Variants in USP15 observed in about 807,000 individuals in gnomAD.
The protein encoded by USP15 is ubiquitin specific peptidase 15.
USP15 carries 18 observed loss-of-function variants against 127.1 expected under a neutral mutation model. That is an observed-to-expected ratio of 0.14 (90% CI 0.10 to 0.21). USP15 has a LOEUF of 0.21. Among genes scored for constraint, USP15 ranks in the 10% least tolerant of loss-of-function variants. USP15 has a pLI of 1.00. For synonymous variants in USP15, 364 were observed against 393.7 expected, an observed-to-expected ratio of 0.92 and a Z score of 0.89; for missense variants, 805 against 1,159.9, an observed-to-expected ratio of 0.69 and a Z score of 4.44.
intron 8 of USP15, among the ~76,000 whole-genome samples, chr12:62,375,412 C>T (rs1294749207): frequency 6.6e-6 from 1 of 152,118 alleles, no homozygotes; most frequent in Non-Finnish European, 1.5e-5. Context: ...CTAAGGACTA[C>T]TTCTAATCTT....
In USP15 at chr12:62,410,285, A is replaced by G. The variant is rs2068006990; in HGVS notation, c.*5910A>G. The G allele has an allele frequency of 2.0e-5, 3 of 152,146 alleles. No homozygotes were observed. Among genetic ancestry groups the G allele is most frequent in the African/African-American group, 4.8e-5 (2 of 41,450 alleles). The allele number at this position is 152,146 out of a possible 1,614,324, so 9.4% of individuals were successfully genotyped here. The stretch of plus-strand genomic sequence containing the variant: ...CTAATAGAAGCACCAAGGATTATCT[A>G]TTTGTAATCACATTGTGGTGAATTA... On this transcript the variant is annotated 3_prime_UTR_variant, in exon 22 of 22. Coordinates refer to ENST00000280377, the MANE Select transcript of USP15 (RefSeq NM_001252078.2).
intron 1 of USP15, among the ~76,000 whole-genome samples, chr12:62,288,019 A>G (rs2063833445): frequency 6.6e-6 from 1 of 152,168 alleles, no homozygotes; most frequent in African/African-American, 2.4e-5. Flanking sequence ...AAGTTGGGTA[A>G]TGTGATGCCT....
intron 7 of USP15, among the ~76,000 whole-genome samples, chr12:62,351,043 CAT>C (rs1220131136): frequency 6.6e-6 from 1 of 152,020 alleles, no homozygotes; most frequent in Non-Finnish European, 1.5e-5. Context: ...TAAACAATGA[CAT>C]GTATTTTTAT....
intron 8 of USP15, among the ~76,000 whole-genome samples, chr12:62,363,911 G>C (rs1287222556): frequency 1.3e-5 from 2 of 152,134 alleles, no homozygotes; most frequent in Non-Finnish European, 2.9e-5. Context: ...GTAGGAAGAA[G>C]AACATAGTAG....
rs2067842232 is a variant in USP15 at position 62,405,660 on chromosome 12, C to G, written c.*1285C>G. ...TACAATACTGCCTTTAATAGAAAAC[C>G]TAAATGCTGGGGCACATTTCACATA... On this transcript the variant is annotated 3_prime_UTR_variant, in exon 22 of 22. Coordinates refer to ENST00000280377, the MANE Select transcript of USP15 (RefSeq NM_001252078.2). The G allele has an allele frequency of 6.6e-6, 1 of 152,440 alleles. No homozygotes were observed. The highest frequency in any genetic ancestry group is 1.5e-5 in the Non-Finnish European group (1 of 67,964). 9.4% of individuals were successfully genotyped at this position (152,440 alleles called of 1,614,324 possible). A position where few individuals can be genotyped will look rare whatever the true frequency, so the allele number is the denominator to read the frequency against.
At chr12:62,404,132 A>G in intron 21 of USP15, 61 bp from the exon 22 acceptor site, 10 of 1,386,042 alleles carry the variant, frequency 7.2e-6, no homozygotes, top group Admixed American at 5.4e-5. Context: ...CTAAAAATTC[A>G]TAATGTATTT....
intron 11 of USP15, among the ~76,000 whole-genome samples, chr12:62,385,994 T>C (rs2067136121): frequency 6.6e-6 from 1 of 152,084 alleles, no homozygotes; most frequent in Non-Finnish European, 1.5e-5. Context: ...ATTTACACAT[T>C]AGTCCATAAG....
At position 62,405,446 on chromosome 12, in the gene USP15, G is replaced by C. The variant is rs1355597907; in HGVS notation, c.*1071G>C. 4 of 152,666 alleles carry C rather than the reference G, an allele frequency of 2.6e-5. No individual in the cohort carries two copies. The highest frequency in any genetic ancestry group is 9.6e-5 in the African/African-American group (4 of 41,574). The allele number at this position is 152,666 out of a possible 1,614,324, so 9.5% of individuals were successfully genotyped here. On this transcript the variant is annotated 3_prime_UTR_variant, in exon 22 of 22. Coordinates refer to ENST00000280377, the MANE Select transcript of USP15 (RefSeq NM_001252078.2). Reference sequence around the variant, plus strand: ...TTTCTCAGAAGGTAACTTGTTATAAGAGAAATGGCATTTGCATGTTCCAGA... The same window carrying C: ...TTTCTCAGAAGGTAACTTGTTATAACAGAAATGGCATTTGCATGTTCCAGA...
At chr12:62,278,650 A>G (rs995874124) in intron 1 of USP15, 1 of 152,196 alleles carries the variant, frequency 6.6e-6, no homozygotes, top group African/African-American at 2.4e-5. Flanking sequence ...ATGACTGTAT[A>G]CAGATGGTCC....
chr12:62,321,752 T>A (rs2064990727), intron 5 of USP15, 143 bp downstream of exon 5: 2 of 566,060 alleles, frequency 3.5e-6, no homozygotes, highest in African/African-American at 3.9e-5. Context: ...TCCTTGCTGG[T>A]TACTGACTCT....
chr12:62,388,528 A>G (rs1246922670), intron 11 of USP15, among the ~76,000 whole-genome samples: 1 of 152,238 alleles, frequency 6.6e-6, no homozygotes, highest in Non-Finnish European at 1.5e-5. Flanking sequence ...GGATCAATTG[A>G]TATTGGGCAC....
intron 20 of USP15, among the ~76,000 whole-genome samples, chr12:62,398,227 A>C (rs956260018): frequency 6.6e-6 from 1 of 152,106 alleles, no homozygotes; most frequent in Non-Finnish European, 1.5e-5. Context: ...TCCTGGGCTC[A>C]AGCGATCCTC....
chr12:62,283,658 T>C (rs923694169), intron 1 of USP15, among the ~76,000 whole-genome samples: 2 of 152,146 alleles, frequency 1.3e-5, no homozygotes, highest in Non-Finnish European at 2.9e-5. Context: ...CTTAAAAAAA[T>C]TAGGCTGAGC....
chr12:62,334,730 G>C (rs1291408596), intron 6 of USP15, among the ~76,000 whole-genome samples: 1 of 152,138 alleles, frequency 6.6e-6, no homozygotes, highest in Non-Finnish European at 1.5e-5. Flanking sequence ...ACAATGTTGG[G>C]TTTGAAAATA....
At chr12:62,330,741 C>T (rs556082930) in intron 6 of USP15, among the ~76,000 whole-genome samples, 4 of 146,288 alleles carry the variant, frequency 2.7e-5, no homozygotes, top group African/African-American at 7.7e-5. Flanking sequence ...TGCAACATAA[C>T]AAGACCCCGT....
At chr12:62,285,051 T>C (rs2137110748) in intron 1 of USP15, among the ~76,000 whole-genome samples, 1 of 152,302 alleles carries the variant, frequency 6.6e-6, no homozygotes, top group Admixed American at 6.5e-5. Flanking sequence ...ATTGTTGTTA[T>C]TAACTTCTGT....
chr12:62,389,243 G>A (rs935566009), intron 11 of USP15, among the ~76,000 whole-genome samples, 188 bp from the exon 12 acceptor site: 10 of 152,142 alleles, frequency 6.6e-5, no homozygotes, highest in Non-Finnish European at 1.0e-4. Context: ...AGGAGCCAAG[G>A]AATGATAAAA....
At chr12:62,262,351 T>G (rs563102194) in intron 1 of USP15, among the ~76,000 whole-genome samples, 1 of 152,336 alleles carries the variant, frequency 6.6e-6, no homozygotes, top group East Asian at 1.9e-4. Context: ...TAATGACAAA[T>G]AAGTCCCCGC....
chr12:62,346,717 A>G (rs1354713605), intron 6 of USP15, among the ~76,000 whole-genome samples: 1 of 152,206 alleles, frequency 6.6e-6, no homozygotes, highest in African/African-American at 2.4e-5. Context: ...ACACTATTAA[A>G]ATCTTTCCAC....
Sources: gnomAD v4.1 joint callset for allele counts (sites outside exome capture counted in the v4.1 genomes callset) on GRCh38, gnomAD v4.1.1 for gene constraint, MANE v1.5 for transcripts, NCBI Gene and HGNC (gene_info 2026-07-23, HGNC 2026-07-21) for gene names.